CAPZB: variants seen among roughly 807,000 people sequenced by gnomAD.
The protein encoded by CAPZB is F-actin-capping protein subunit beta.
Under a neutral mutation model 38.1 loss-of-function variants are expected in CAPZB, and 2 were observed. The ratio of observed to expected loss-of-function variants is 0.05; its 90% CI spans 0.02 to 0.17. The LOEUF (loss-of-function observed/expected upper bound fraction) is 0.17. Ranked by LOEUF, CAPZB falls within the 10% of genes least tolerant of loss-of-function variation. CAPZB has a pLI of 1.00. For synonymous variants in CAPZB, 107 were observed against 127.4 expected, an observed-to-expected ratio of 0.84 and a Z score of 1.08; for missense variants, 161 against 334.2, an observed-to-expected ratio of 0.48 and a Z score of 4.04.
chr1:19,450,559 A>G (rs889659632), intron 1 of CAPZB, among the ~76,000 whole-genome samples: 1 of 152,156 alleles, frequency 6.6e-6, no homozygotes, highest in Non-Finnish European at 1.5e-5. Flanking sequence ...TATTAATCCT[A>G]CTTCATAGAT....
intron 4 of CAPZB, among the ~76,000 whole-genome samples, chr1:19,374,992 G>C (rs1277550500): frequency 6.6e-6 from 1 of 152,110 alleles, no homozygotes; most frequent in African/African-American, 2.4e-5. Context: ...GTGTGACCCT[G>C]GCCAATGCCC....
At position 19,399,972 on chromosome 1, in the gene CAPZB, G is replaced by T. The variant is rs1309010806; in HGVS notation, c.94-14346C>A. ...CGGTTCACAGCCTTAGGACACAGAT[G>T]CAAGCAGCTGAGTGAGTTATTCACA... On this transcript the variant is annotated intron_variant, in intron 2 of 8. Transcript: ENST00000264202. Among the ~76,000 whole-genome samples the T allele has an allele frequency of 3.3e-5, 5 of 152,130 alleles. No homozygotes were observed. In the South Asian group the frequency reaches 1.0e-3, roughly 32 times the overall value.
At chr1:19,480,189 A>T (rs899262897) in intron 1 of CAPZB, among the ~76,000 whole-genome samples, 5 of 152,128 alleles carry the variant, frequency 3.3e-5, no homozygotes, top group Non-Finnish European at 7.4e-5. Flanking sequence ...TCCCCCTCCC[A>T]GATTAGAGGA....
At chr1:19,442,543 G>A (rs1338472105) in intron 1 of CAPZB, among the ~76,000 whole-genome samples, 1 of 152,160 alleles carries the variant, frequency 6.6e-6, no homozygotes, top group Non-Finnish European at 1.5e-5. Flanking sequence ...CCTACTCCTA[G>A]GCTCTTGCAA....
intron 1 of CAPZB, among the ~76,000 whole-genome samples, chr1:19,469,471 G>C (rs2094579165): frequency 6.6e-6 from 1 of 152,056 alleles, no homozygotes. Context: ...AAAACCATGA[G>C]CTAACCTTAG....
intron 1 of CAPZB, chr1:19,448,810 C>T (rs369333241): frequency 6.2e-7 from 1 of 1,612,394 alleles, no homozygotes; most frequent in Non-Finnish European, 8.5e-7. Context: ...CCTCCTCCCC[C>T]CTCAGATCTA....
intron 4 of CAPZB, among the ~76,000 whole-genome samples, chr1:19,359,442 T>C (rs1395435061): frequency 6.6e-6 from 1 of 152,170 alleles, no homozygotes; most frequent in Admixed American, 6.5e-5. Flanking sequence ...TCAGGTGGGC[T>C]ACCCTTGGCC....
intron 1 of CAPZB, among the ~76,000 whole-genome samples, chr1:19,429,493 C>A (rs755707111): frequency 6.6e-6 from 1 of 152,178 alleles, no homozygotes; most frequent in Admixed American, 6.5e-5. Context: ...CAAGTCACCA[C>A]CTCATCCCTT....
chr1:19,366,311 A>ATATAT lies in CAPZB; in HGVS notation c.330-8749_330-8748insATATA, dbSNP rs1558189927. 3.0e-3 allele frequency among the ~76,000 whole-genome samples: 190 copies of ATATAT among 63,164 alleles called. 10 individuals carry two copies. The highest frequency in any genetic ancestry group is 0.022 in the East Asian group (45 of 2,038). The allele number at this position is 63,164 out of a possible 152,430, so 41.4% of individuals were successfully genotyped here. ...ATATATATATATATATATATATATA[A>ATATAT]ATAAAATAAATGGTCATGAGGGACA... On this transcript the variant is annotated intron_variant, in intron 4 of 8. Coordinates refer to ENST00000264202, the MANE Select transcript of CAPZB (RefSeq NM_004930.5).
At chr1:19,452,832 C>T (rs1349716355) in intron 1 of CAPZB, among the ~76,000 whole-genome samples, 1 of 137,126 alleles carries the variant, frequency 7.3e-6, no homozygotes, top group African/African-American at 2.7e-5. Flanking sequence ...GAGATGGAGT[C>T]TCACTCTGTC....
At chr1:19,410,560 C>A (rs1048306353) in intron 2 of CAPZB, among the ~76,000 whole-genome samples, 2 of 152,150 alleles carry the variant, frequency 1.3e-5, no homozygotes, top group African/African-American at 4.8e-5. Flanking sequence ...GGGTTCCCCA[C>A]AGCCCAGCCG....
rs911821684 is a variant in CAPZB at position 19,441,802 on chromosome 1, G to A, written c.4-22052C>T. On this transcript the variant is annotated intron_variant, in intron 1 of 8. Coordinates refer to ENST00000264202, the MANE Select transcript of CAPZB (RefSeq NM_004930.5). ...GCGGGCAGATCACCTAAGGTCAGGA[G>A]TTCGAGACCAGCCTGGCAAACATGG... Among the ~76,000 whole-genome samples, 4 of 152,068 alleles carry A rather than the reference G, an allele frequency of 2.6e-5. No individual in the cohort carries two copies. The South Asian group carries it at 8.3e-4, about 31-fold the overall frequency.
chr1:19,484,384 C>T, intron 1 of CAPZB: 1 of 1,534,050 alleles, frequency 6.5e-7, no homozygotes, highest in Non-Finnish European at 8.8e-7. Context: ...CACCCATCCT[C>T]GCCCCTCGGC....
At chr1:19,455,752 C>G (rs1379792395) in intron 1 of CAPZB, among the ~76,000 whole-genome samples, 1 of 152,198 alleles carries the variant, frequency 6.6e-6, no homozygotes, top group Non-Finnish European at 1.5e-5. Context: ...AAAGAGCTGG[C>G]AGACTCAGAG....
chr1:19,372,732 C>T (rs910440383), intron 4 of CAPZB, among the ~76,000 whole-genome samples: 1 of 152,130 alleles, frequency 6.6e-6, no homozygotes, highest in African/African-American at 2.4e-5. Context: ...TCAAATGATC[C>T]TCCGAGCCAG....
At chr1:19,452,238 C>T (rs1190756040) in intron 1 of CAPZB, among the ~76,000 whole-genome samples, 1 of 152,114 alleles carries the variant, frequency 6.6e-6, no homozygotes, top group Non-Finnish European at 1.5e-5. Flanking sequence ...TCTGCCTGGA[C>T]TGCCACCCCC....
chr1:19,435,721 A>G (rs1373400901), intron 1 of CAPZB, among the ~76,000 whole-genome samples: 1 of 152,170 alleles, frequency 6.6e-6, no homozygotes, highest in Non-Finnish European at 1.5e-5. Context: ...GAGCTTACAC[A>G]TTTAAATGGA....
intron 6 of CAPZB, among the ~76,000 whole-genome samples, chr1:19,354,923 A>T (rs1178683748): frequency 6.6e-6 from 1 of 152,152 alleles, no homozygotes; most frequent in Non-Finnish European, 1.5e-5. Context: ...GGCCCCTGGA[A>T]GATAGGAGTC....
chr1:19,419,355 C>G (rs942481690), intron 2 of CAPZB, among the ~76,000 whole-genome samples: 8 of 152,178 alleles, frequency 5.3e-5, no homozygotes, highest in African/African-American at 1.9e-4. Context: ...TGGGTATGGC[C>G]TCTTCCTCAC....
Sources: allele counts gnomAD v4.1 joint callset (sites outside exome capture counted in the v4.1 genomes callset), GRCh38; gene constraint gnomAD v4.1.1; transcripts MANE v1.5; gene names NCBI Gene and HGNC (gene_info 2026-07-23, HGNC 2026-07-21).